Variants in TESK2 observed in about 807,000 individuals in gnomAD.
TESK2 encodes the protein dual specificity testis-specific protein kinase 2.
TESK2 carries 39 observed loss-of-function variants against 57.1 expected under a neutral mutation model. That is an observed-to-expected ratio of 0.68 (90% confidence interval 0.53 to 0.89). The LOEUF (loss-of-function observed/expected upper bound fraction) is 0.89. Among genes scored for constraint, TESK2 ranks in the 40% least tolerant of loss-of-function variants. The probability of loss-of-function intolerance (pLI) is 0.00; values close to 1 mark genes in which losing one functional copy is unlikely to be tolerated. For missense variants in TESK2, 646 were observed against 732.1 expected (o/e 0.88, Z 1.36); for synonymous variants, 249 against 267.9 (o/e 0.93, Z 0.69).
At chr1:45,400,586 A>C (rs1649557148) in intron 3 of TESK2, among the ~76,000 whole-genome samples, 1 of 152,248 alleles carries the variant, frequency 6.6e-6, no homozygotes, top group Admixed American at 6.5e-5. Flanking sequence ...AACTAGCATA[A>C]GGAAAATAAC....
chr1:45,444,350 C>T (rs1651565695), intron 2 of TESK2, among the ~76,000 whole-genome samples: 1 of 152,094 alleles, frequency 6.6e-6, no homozygotes, highest in African/African-American at 2.4e-5. Context: ...AGACCTATTC[C>T]CCCCTTTCCC....
At chr1:45,424,137 A>T (rs1352381606) in intron 2 of TESK2, among the ~76,000 whole-genome samples, 1 of 152,206 alleles carries the variant, frequency 6.6e-6, no homozygotes, top group Non-Finnish European at 1.5e-5. Context: ...TGCTATACTC[A>T]ACCAAATGGG....
chr1:45,466,908 T>G (rs1015458113), intron 1 of TESK2, among the ~76,000 whole-genome samples: 2 of 152,028 alleles, frequency 1.3e-5, no homozygotes, highest in Non-Finnish European at 2.9e-5. Flanking sequence ...ACAAAGTTAT[T>G]GATTAAATGG....
At chr1:45,462,408 G>GACT (rs1335123407) in intron 1 of TESK2, among the ~76,000 whole-genome samples, 1 of 152,058 alleles carries the variant, frequency 6.6e-6, no homozygotes, top group African/African-American at 2.4e-5. Context: ...GAGTAGCTGG[G>GACT]ACTACAGGCG....
chr1:45,443,752 C>A (rs1248602050), intron 2 of TESK2, among the ~76,000 whole-genome samples: 2 of 152,170 alleles, frequency 1.3e-5, no homozygotes, highest in South Asian at 2.1e-4. Context: ...TTTTATTTAA[C>A]CTGACCTTTA....
rs1316114659 is a variant in TESK2 at position 45,351,778 on chromosome 1, G to A, written c.540+3525C>T. 2.6e-5 allele frequency among the ~76,000 whole-genome samples: 4 copies of A among 152,222 alleles called. No homozygotes were observed. In the East Asian group the frequency reaches 5.8e-4, roughly 22 times the overall value. ...CCAGAATCTCAGCTCTGGAGCAGGC[G>A]TTTTGGCCTCTTTGCTATCAAGCCC... On this transcript the variant is annotated intron_variant, in intron 5 of 10. Transcript: ENST00000372086.
intron 1 of TESK2, among the ~76,000 whole-genome samples, chr1:45,490,599 C>G (rs1020682482): frequency 1.4e-4 from 21 of 152,066 alleles, no homozygotes; most frequent in Admixed American, 1.2e-3. Flanking sequence ...GAGGTAACTT[C>G]TAATGGGTTC....
chr1:45,344,823 G>T lies in TESK2; in HGVS notation c.*17C>A. ...GCTGAAGGTCCATCCCCAAGGTGAG[G>T]CAGGGACTAAACCCCCTCACCCATC... On this transcript the variant is annotated 3_prime_UTR_variant, in exon 11 of 11. Transcript: ENST00000372086. The T allele has an allele frequency of 6.3e-7, 1 of 1,596,398 alleles. No individual in the cohort carries two copies. The highest frequency in any genetic ancestry group is 8.6e-7 in the Non-Finnish European group (1 of 1,168,442).
At chr1:45,440,671 G>A (rs1010243486) in intron 2 of TESK2, among the ~76,000 whole-genome samples, 8 of 151,430 alleles carry the variant, frequency 5.3e-5, no homozygotes, top group Non-Finnish European at 1.0e-4. Flanking sequence ...AGCCAAGATC[G>A]CACTACTGTA....
Position 45,452,032 on chromosome 1 carries a change from C to CAAAAAAAAAAAAAA in TESK2, c.222+5518_222+5531dup, listed in dbSNP as rs566363776. Among the ~76,000 whole-genome samples the CAAAAAAAAAAAAAA allele has an allele frequency of 2.2e-3, 225 of 103,754 alleles. 8 individuals are homozygous for CAAAAAAAAAAAAAA. Among genetic ancestry groups the CAAAAAAAAAAAAAA allele is most frequent in the East Asian group, 8.2e-3 (35 of 4,294 alleles). 68.1% of individuals were successfully genotyped at this position (103,754 alleles called of 152,430 possible). A position where few individuals can be genotyped will look rare whatever the true frequency, so the allele number is the denominator to read the frequency against. ...TGGGAGACAGAACAAGACTCCGTCT[C>CAAAAAAAAAAAAAA]AAAAAAAAAAAAAAATTTATTTGGT... On this transcript the variant is annotated intron_variant, in intron 2 of 10. Transcript: ENST00000372086.
chr1:45,445,883 G>A (rs1295659542), intron 2 of TESK2, among the ~76,000 whole-genome samples: 1 of 152,054 alleles, frequency 6.6e-6, no homozygotes, highest in Non-Finnish European at 1.5e-5. Flanking sequence ...CAACTAATCT[G>A]AAAAGTATAT....
chr1:45,456,328 G>A (rs1415365904), intron 2 of TESK2, among the ~76,000 whole-genome samples: 1 of 152,110 alleles, frequency 6.6e-6, no homozygotes, highest in Non-Finnish European at 1.5e-5. Context: ...AGACCAGCCT[G>A]GCCGAAATGG....
chr1:45,462,303 C>T (rs933870873), intron 1 of TESK2, among the ~76,000 whole-genome samples: 3 of 151,660 alleles, frequency 2.0e-5, no homozygotes, highest in Middle Eastern at 3.4e-3. Context: ...GATGGGGTCT[C>T]GCTCTGTCGC....
chr1:45,435,638 T>C (rs1199198388), intron 2 of TESK2, among the ~76,000 whole-genome samples: 1 of 149,646 alleles, frequency 6.7e-6, no homozygotes, highest in African/African-American at 2.4e-5. Context: ...TTTTTTTTTT[T>C]TTAAGACCCA....
At chr1:45,417,595 T>C (rs566756484) in intron 3 of TESK2, among the ~76,000 whole-genome samples, 1 of 152,148 alleles carries the variant, frequency 6.6e-6, no homozygotes, top group South Asian at 2.1e-4. Context: ...TCTATTATGT[T>C]TTCTTTTTTT....
chr1:45,422,863 G>A (rs564321925), intron 2 of TESK2, among the ~76,000 whole-genome samples: 164 of 149,392 alleles, frequency 1.1e-3, no homozygotes, highest in African/African-American at 2.8e-3. Flanking sequence ...TCCACCTTCC[G>A]GGTTCAAGCA....
chr1:45,398,983 GAAA>G (rs372886401), intron 3 of TESK2: 4,041 of 232,058 alleles, frequency 0.017, no homozygotes, highest in Admixed American at 0.025. Flanking sequence ...ACTAGGACCT[GAAA>G]AAAAAAAAAA....
chr1:45,353,961 G>T (rs894795889), intron 5 of TESK2, among the ~76,000 whole-genome samples: 2 of 152,156 alleles, frequency 1.3e-5, no homozygotes, highest in African/African-American at 4.8e-5. Context: ...AATCACACAG[G>T]CAGAAAATGG....
rs573741168 is a variant in TESK2, at chr1:45,488,878, C to A, written c.-87+1974G>T. On this transcript the variant is annotated intron_variant, in intron 1 of 10. Coordinates refer to ENST00000372086, the MANE Select transcript of TESK2 (RefSeq NM_007170.3). ...GACCTCCTGATTGCTAAATATAGGG[C>A]AGGCCAGGCATGATGGCTCACCCCT... Among the ~76,000 whole-genome samples, 16 of 152,212 alleles carry A rather than the reference C, an allele frequency of 1.1e-4. No individual in the cohort carries two copies. The South Asian group carries it at 3.3e-3, about 32-fold the overall frequency.
Sources: gnomAD v4.1 joint callset for allele counts (sites outside exome capture counted in the v4.1 genomes callset) on GRCh38, gnomAD v4.1.1 for gene constraint, MANE v1.5 for transcripts, NCBI Gene and HGNC (gene_info 2026-07-23, HGNC 2026-07-21) for gene names.